The following PCDHA3 variants were observed in gnomAD, a reference collection of about 807,000 sequenced individuals.
PCDHA3 encodes protocadherin alpha-3.
In PCDHA3, 41 loss-of-function variants were observed where a neutral mutation model predicts 62.2. That is an observed-to-expected ratio of 0.66 (90% CI 0.51 to 0.86). The LOEUF (loss-of-function observed/expected upper bound fraction) is 0.86. PCDHA3 is among the 40% of genes least tolerant of loss of function. The probability of loss-of-function intolerance (pLI) is 0.00; values close to 1 mark genes in which losing one functional copy is unlikely to be tolerated. For missense variants in PCDHA3, 1,304 were observed against 1,241.2 expected, an observed-to-expected ratio of 1.05 and a Z score of -0.76; for synonymous variants, 640 against 555.4, an observed-to-expected ratio of 1.15 and a Z score of -2.14.
chr5:140,843,894 A>G, intron 1 of PCDHA3: 1 of 670,078 alleles, frequency 1.5e-6, no homozygotes, highest in Non-Finnish European at 2.5e-6. Context: ...AGTATTAATC[A>G]TTCTCCACAA....
chr5:140,861,487 G>A, intron 1 of PCDHA3: 1 of 490,310 alleles, frequency 2.0e-6, no homozygotes, highest in Non-Finnish European at 4.2e-6. Context: ...ATTTTTGTGA[G>A]TTCTCTGATA....
intron 1 of PCDHA3, among the ~76,000 whole-genome samples, chr5:140,896,022 G>A (rs940712653): frequency 6.6e-6 from 1 of 152,136 alleles, no homozygotes; most frequent in East Asian, 1.9e-4. Context: ...TGTTGGCCAG[G>A]CTGGTCTCGA....
At position 140,803,409 on chromosome 5, in the gene PCDHA3, A is replaced by C. The variant is rs1554122799; in HGVS notation, c.2212A>C (p.Thr738Pro). Residue 738 changes from threonine to proline, a missense_variant, in exon 1 of 4, where the codon ACG becomes CCG. Coordinates refer to ENST00000522353, the MANE Select transcript of PCDHA3 (RefSeq NM_018906.3). ...TEGDCGPGKPTLVCSSAVGSW... is the reference protein window; with the variant it reads ...TEGDCGPGKPPLVCSSAVGSW... ...AGGCGACTGTGGGCCGGGCAAGCCC[A>C]CGCTGGTGTGCTCCAGCGCGGTGGG... The C allele has an allele frequency of 7.4e-6, 12 of 1,614,086 alleles. No individual in the cohort carries two copies. The highest frequency in any genetic ancestry group is 5.0e-5 in the Admixed American group (3 of 60,012).
chr5:140,882,156 A>C (rs1582595846), intron 1 of PCDHA3: 2 of 1,504,204 alleles, frequency 1.3e-6, no homozygotes, highest in Non-Finnish European at 1.8e-6. Flanking sequence ...AAAGCGGAAT[A>C]CCTCTTGCGA....
chr5:140,955,440 G>A (rs1332391978), intron 1 of PCDHA3, among the ~76,000 whole-genome samples: 3 of 152,022 alleles, frequency 2.0e-5, no homozygotes, highest in Admixed American at 2.0e-4. Context: ...TAGGTCTGAT[G>A]GTTTTATAAG....
At chr5:140,926,583 G>C in intron 1 of PCDHA3, 1 of 279,462 alleles carries the variant, frequency 3.6e-6, no homozygotes, top group Non-Finnish European at 6.6e-6. Context: ...AGCACCTCTC[G>C]CGCCCGGGCG....
chr5:140,915,771 G>T (rs1351294387), intron 1 of PCDHA3, among the ~76,000 whole-genome samples: 1 of 151,922 alleles, frequency 6.6e-6, no homozygotes, highest in Non-Finnish European at 1.5e-5. Flanking sequence ...TCTTGTCCAA[G>T]GCCTGCTGTA....
At chr5:140,812,546 C>T (rs149725970) in intron 1 of PCDHA3, 1 of 151,688 alleles carries the variant, frequency 6.6e-6, no homozygotes, top group East Asian at 1.9e-4. Context: ...TTTCTAGTTC[C>T]TTGAGTTGTT....
intron 1 of PCDHA3, among the ~76,000 whole-genome samples, chr5:140,820,542 A>G (rs1766778252): frequency 1.3e-5 from 2 of 152,044 alleles, no homozygotes; most frequent in Admixed American, 6.5e-5. Flanking sequence ...TCTTCAATAG[A>G]AAACTTGGTG....
chr5:140,836,619 G>A (rs1272044084), intron 1 of PCDHA3: 3 of 1,613,602 alleles, frequency 1.9e-6, no homozygotes, highest in Non-Finnish European at 2.5e-6. Context: ...CAGCGCGGTG[G>A]GGAGCTGGTC....
intron 1 of PCDHA3, among the ~76,000 whole-genome samples, chr5:140,905,415 C>A (rs2071821709): frequency 6.6e-6 from 1 of 152,128 alleles, no homozygotes; most frequent in Non-Finnish European, 1.5e-5. Context: ...ATACCAGTAC[C>A]ATGCTGGTTT....
At chr5:140,822,931 T>C (rs2150120508) in intron 1 of PCDHA3, 1 of 1,614,276 alleles carries the variant, frequency 6.2e-7, no homozygotes, top group Non-Finnish European at 8.5e-7. Flanking sequence ...GCAGGTGACC[T>C]GCTCCCTAAT....
At chr5:140,922,002 A>G (rs138196210) in intron 1 of PCDHA3, among the ~76,000 whole-genome samples, 100 of 152,130 alleles carry the variant, frequency 6.6e-4, no homozygotes, top group Admixed American at 1.6e-3. Flanking sequence ...CAATGAAATG[A>G]TTAGTTTAAA....
intron 1 of PCDHA3, among the ~76,000 whole-genome samples, chr5:140,962,736 C>T (rs1233355346): frequency 2.0e-5 from 3 of 152,136 alleles, no homozygotes; most frequent in Non-Finnish European, 4.4e-5. Flanking sequence ...TCTGGGGATG[C>T]ATGAAGATCA....
At chr5:140,920,812 C>T (rs575249440) in intron 1 of PCDHA3, among the ~76,000 whole-genome samples, 126 of 151,392 alleles carry the variant, frequency 8.3e-4, no homozygotes, top group Admixed American at 2.4e-3. Flanking sequence ...CCACTGCACT[C>T]CAGCCTGGCG....
chr5:140,803,871 A>AT (rs1472623512), intron 1 of PCDHA3: 5 of 556,930 alleles, frequency 9.0e-6, no homozygotes, highest in African/African-American at 3.8e-5. Flanking sequence ...TAAGACAAAT[A>AT]TTTTTTCTTA....
chr5:140,836,404 A>G (rs2150259922), intron 1 of PCDHA3: 15 of 1,613,772 alleles, frequency 9.3e-6, no homozygotes, highest in Non-Finnish European at 1.2e-5. Flanking sequence ...GAAAGCGGCC[A>G]GGCACCAAAG....
chr5:140,938,616 A>G (rs1366566018), intron 1 of PCDHA3, among the ~76,000 whole-genome samples: 1 of 152,130 alleles, frequency 6.6e-6, no homozygotes, highest in Non-Finnish European at 1.5e-5. Flanking sequence ...TCTTGGAATA[A>G]ACTCAGGTTG....
At chr5:140,948,253 A>C (rs782144804) in intron 1 of PCDHA3, among the ~76,000 whole-genome samples, 14 of 151,624 alleles carry the variant, frequency 9.2e-5, no homozygotes, top group Admixed American at 2.6e-4. Flanking sequence ...ATATTTTTAC[A>C]TCTGTGTTCA....
Sources: gnomAD v4.1 joint callset for allele counts (sites outside exome capture counted in the v4.1 genomes callset) on GRCh38, gnomAD v4.1.1 for gene constraint, MANE v1.5 for transcripts, NCBI Gene and HGNC (gene_info 2026-07-23, HGNC 2026-07-21) for gene names.